Variants in SIK3 observed in about 807,000 individuals in gnomAD.
SIK3 encodes SIK family kinase 3, also known as serine/threonine-protein kinase SIK3.
Under a neutral mutation model 144.2 loss-of-function variants are expected in SIK3, and 28 were observed. That is an observed-to-expected ratio of 0.19 (90% confidence interval 0.14 to 0.27). The LOEUF (loss-of-function observed/expected upper bound fraction) is 0.27. Ranked by LOEUF, SIK3 falls within the 10% of genes least tolerant of loss-of-function variation. The pLI, the probability that SIK3 is intolerant of heterozygous loss-of-function variation, is 1.00. For missense variants in SIK3, 1,319 were observed against 1,776.0 expected (o/e 0.74, Z 4.62); for synonymous variants, 686 against 676.3 (o/e 1.01, Z -0.22).
Position 116,859,297 on chromosome 11 carries a change from C to T in SIK3, c.2733G>A (p.Lys911=), listed in dbSNP as rs139053949. The change falls in exon 20 of 25, where the codon AAG becomes AAA. Residue 911 remains lysine, a synonymous_variant. Transcript: ENST00000445177. ...CCTCTGCACTGTCAGCACTCAGCTG[C>T]TTGGACAAGGGACGGTGCCCATAGC... The part of the protein sequence containing the change: ...TLSYGHRPLS[K]QLSADSAEAH... 64 of 1,611,864 alleles carry T rather than the reference C, an allele frequency of 4.0e-5. No individual in the cohort carries two copies. In the African/African-American group the frequency reaches 7.7e-4, roughly 19 times the overall value.
Position 116,858,064 on chromosome 11 carries a change from T to C in SIK3, c.3401A>G (p.Gln1134Arg), listed in dbSNP as rs552083632. ...SPTPPHGYAH[Q>R]PALMHSESME... ...GCTCTCTGAATGCATCAGTGCCGGC[T>C]GGTGAGCATACCCGTGGGGCGGGGT... is the stretch of plus-strand genomic sequence containing the variant. Residue 1134 changes from glutamine to arginine, a missense_variant, in exon 21 of 25, where the codon CAG (glutamine) becomes CGG (arginine). Physicochemically the swap from Gln to Arg is conservative, Grantham distance 43. Around this residue, in one of 8 missense-constraint regions of SIK3, gnomAD observed 646 missense variants for 763.7 expected, o/e 0.85. Coordinates refer to ENST00000445177, the MANE Select transcript of SIK3 (RefSeq NM_001366686.3). This position sits in a 1 kb window ranked among gnomAD's most constrained non-coding sequence, Gnocchi z 5.4. The C allele has an allele frequency of 6.2e-7, 1 of 1,613,800 alleles. No homozygotes were observed. The highest frequency in any genetic ancestry group is 2.2e-5 in the East Asian group (1 of 44,876).
chr11:117,091,267 C>T lies in SIK3; in HGVS notation c.273+6876G>A, dbSNP rs187559182. 6.8e-3 allele frequency among the ~76,000 whole-genome samples: 963 copies of T among 142,164 alleles called. 12 individuals are homozygous for T. Among genetic ancestry groups the T allele is most frequent in the African/African-American group, 0.024 (916 of 38,508 alleles). The allele number at this position is 142,164 out of a possible 152,430, so 93.3% of individuals were successfully genotyped here. A position where few individuals can be genotyped will look rare whatever the true frequency, so the allele number is the denominator to read the frequency against. On this transcript the variant is annotated intron_variant, in intron 1 of 24. Transcript: ENST00000445177. ...TTGCCCAGGCTGGAGTGCGACGGCA[C>T]GATCTCGGCTCACTGCAACCTCTGC...
intron 1 of SIK3, among the ~76,000 whole-genome samples, chr11:116,987,103 C>T (rs974741050): frequency 6.6e-6 from 1 of 152,058 alleles, no homozygotes; most frequent in Non-Finnish European, 1.5e-5. Context: ...GGTTACAATG[C>T]TAAGTTTTAT....
intron 1 of SIK3, among the ~76,000 whole-genome samples, chr11:116,992,990 A>C (rs1221116865): frequency 1.3e-5 from 2 of 152,218 alleles, no homozygotes; most frequent in African/African-American, 4.8e-5. Context: ...GTCTCAAAAA[A>C]GTATCTCTAA....
intron 1 of SIK3, among the ~76,000 whole-genome samples, chr11:117,086,495 C>G (rs2134048586): frequency 6.6e-6 from 1 of 151,806 alleles, no homozygotes. Context: ...TCAAGACCAC[C>G]CTGGCCAGCA....
At chr11:117,054,352 T>G (rs1418208995) in intron 1 of SIK3, among the ~76,000 whole-genome samples, 1 of 152,174 alleles carries the variant, frequency 6.6e-6, no homozygotes, top group African/African-American at 2.4e-5. Flanking sequence ...CAGTCAGTAG[T>G]CTGCATATAC....
intron 3 of SIK3, among the ~76,000 whole-genome samples, chr11:116,940,649 G>A (rs1480905221): frequency 6.6e-6 from 1 of 151,950 alleles, no homozygotes; most frequent in East Asian, 1.9e-4. Flanking sequence ...ATGTTTTAGT[G>A]TAAAGTGAGG....
At chr11:116,904,302 G>T (rs1388258772) in intron 4 of SIK3, among the ~76,000 whole-genome samples, 10 of 152,118 alleles carry the variant, frequency 6.6e-5, no homozygotes, top group Admixed American at 3.9e-4. Flanking sequence ...GAATTAACTC[G>T]CTAAGTTCAA....
intron 4 of SIK3, among the ~76,000 whole-genome samples, chr11:116,912,974 T>TA (rs1205401693): frequency 6.6e-6 from 1 of 152,220 alleles, no homozygotes. Context: ...AACATGACGC[T>TA]AATAAGGAAT....
intron 4 of SIK3, among the ~76,000 whole-genome samples, chr11:116,912,195 T>C (rs1946384599): frequency 1.3e-5 from 2 of 152,342 alleles, no homozygotes; most frequent in East Asian, 1.9e-4. Context: ...ACCATATGAC[T>C]GTCTTCTAGG....
intron 1 of SIK3, among the ~76,000 whole-genome samples, chr11:116,983,560 A>G (rs1950224285): frequency 6.6e-6 from 1 of 152,134 alleles, no homozygotes; most frequent in African/African-American, 2.4e-5. Flanking sequence ...TTTCAAGAAT[A>G]CATCTGTATT....
Position 116,875,249 on chromosome 11 carries a change from A to G in SIK3, c.1336T>C (p.Leu446=). ...QIVEPDGTLN[L]DSDEGEEPSP... ...GGCTCTTCACCCTCATCACTGTCCA[A>G]ATTCAGTGTCCCATCCGGCTGAGGT... The change falls in exon 11 of 25, where the codon TTG becomes CTG. Residue 446 remains leucine (L), a synonymous_variant. Coordinates refer to ENST00000445177, the MANE Select transcript of SIK3 (RefSeq NM_001366686.3). The G allele has an allele frequency of 6.2e-7, 1 of 1,614,170 alleles. No individual in the cohort carries two copies. The highest frequency in any genetic ancestry group is 8.5e-7 in the Non-Finnish European group (1 of 1,180,028).
intron 1 of SIK3, among the ~76,000 whole-genome samples, chr11:117,001,140 T>C (rs1950834193): frequency 6.6e-6 from 1 of 152,246 alleles, no homozygotes; most frequent in Non-Finnish European, 1.5e-5. Flanking sequence ...TCTCTGAGGT[T>C]TATGTCACTT....
At chr11:117,068,236 A>G (rs1263553801) in intron 1 of SIK3, among the ~76,000 whole-genome samples, 1 of 152,188 alleles carries the variant, frequency 6.6e-6, no homozygotes, top group African/African-American at 2.4e-5. Context: ...CTTAAGGTCT[A>G]TAAGATCAAG....
At chr11:116,869,333 T>C (rs974009419) in intron 14 of SIK3, 6 of 152,196 alleles carry the variant, frequency 3.9e-5, no homozygotes, top group Admixed American at 3.9e-4. Flanking sequence ...CTACTGGGGA[T>C]AGGATGAGAG....
At chr11:117,019,910 A>C (rs185611308) in intron 1 of SIK3, among the ~76,000 whole-genome samples, 1 of 152,240 alleles carries the variant, frequency 6.6e-6, no homozygotes, top group East Asian at 1.9e-4. Flanking sequence ...AAAAAGAAAA[A>C]AAGGAAGAGA....
At chr11:117,066,304 G>C (rs1481532373) in intron 1 of SIK3, among the ~76,000 whole-genome samples, 1 of 151,840 alleles carries the variant, frequency 6.6e-6, no homozygotes, top group Non-Finnish European at 1.5e-5. Flanking sequence ...CTGACCTTAA[G>C]TGATCCACCC....
chr11:116,922,567 G>A (rs572502046), intron 4 of SIK3, among the ~76,000 whole-genome samples: 41 of 152,258 alleles, frequency 2.7e-4, no homozygotes, highest in African/African-American at 9.6e-4. Context: ...CAGGAGAATC[G>A]CTTGAGGCCA....
At chr11:116,895,949 A>G (rs1381108868) in intron 6 of SIK3, among the ~76,000 whole-genome samples, 1 of 152,254 alleles carries the variant, frequency 6.6e-6, no homozygotes, top group African/African-American at 2.4e-5. Flanking sequence ...CTTCACATAC[A>G]TTATCTCATT....
Sources: allele counts gnomAD v4.1 joint callset (sites outside exome capture counted in the v4.1 genomes callset), GRCh38; gene constraint gnomAD v4.1.1; regional missense constraint gnomAD v4.1.1; non-coding constraint Gnocchi (gnomAD v3.1); transcripts MANE v1.5; gene names NCBI Gene and HGNC (gene_info 2026-07-23, HGNC 2026-07-21).